KCNH7: variants seen among roughly 807,000 people sequenced by gnomAD.
The protein encoded by KCNH7 is voltage-gated inwardly rectifying potassium channel KCNH7.
A neutral mutation model predicts 120.8 loss-of-function variants in KCNH7; 49 were observed. That is an observed-to-expected ratio of 0.41 (90% CI 0.32 to 0.51). KCNH7 has a LOEUF of 0.51. Ranked by LOEUF, KCNH7 falls within the 20% of genes least tolerant of loss-of-function variation. The pLI, the probability that KCNH7 is intolerant of heterozygous loss-of-function variation, is 0.38. For synonymous variants in KCNH7, 547 were observed against 516.1 expected, an observed-to-expected ratio of 1.06 and a Z score of -0.81; for missense variants, 1,097 against 1,446.6, an observed-to-expected ratio of 0.76 and a Z score of 3.92.
intron 10 of KCNH7, among the ~76,000 whole-genome samples, chr2:162,398,288 G>T (rs958425585): frequency 2.0e-5 from 3 of 151,626 alleles, no homozygotes; most frequent in Non-Finnish European, 4.4e-5. Flanking sequence ...AAGTAATAAG[G>T]TTCTAATTAG....
intron 2 of KCNH7, among the ~76,000 whole-genome samples, chr2:162,628,826 G>A (rs1683653286): frequency 6.6e-6 from 1 of 151,900 alleles, no homozygotes; most frequent in Non-Finnish European, 1.5e-5. Context: ...GTGTATGTGT[G>A]CCACTTTATT....
At chr2:162,583,771 A>T (rs534009044) in intron 2 of KCNH7, among the ~76,000 whole-genome samples, 23 of 152,238 alleles carry the variant, frequency 1.5e-4, no homozygotes, top group African/African-American at 5.3e-4. Flanking sequence ...CTGGCTGGAA[A>T]AAACACCAGC....
At chr2:162,758,157 A>T (rs1449002764) in intron 2 of KCNH7, among the ~76,000 whole-genome samples, 1 of 152,152 alleles carries the variant, frequency 6.6e-6, no homozygotes, top group Non-Finnish European at 1.5e-5. Context: ...GAAAAAGTGG[A>T]TGTGTTTAAT....
intron 6 of KCNH7, among the ~76,000 whole-genome samples, chr2:162,457,916 C>A (rs185392522): frequency 3.2e-4 from 48 of 152,216 alleles, no homozygotes; most frequent in African/African-American, 1.2e-3. Flanking sequence ...CTGAAACCAG[C>A]AATCTCATTG....
chr2:162,748,249 T>A (rs1688383954), intron 2 of KCNH7, among the ~76,000 whole-genome samples: 2 of 152,168 alleles, frequency 1.3e-5, no homozygotes, highest in African/African-American at 4.8e-5. Flanking sequence ...TGTTATGGCT[T>A]CTGTGTATGT....
chr2:162,831,201 A>G (rs1418309674), intron 2 of KCNH7, among the ~76,000 whole-genome samples: 2 of 152,142 alleles, frequency 1.3e-5, no homozygotes, highest in Non-Finnish European at 2.9e-5. Flanking sequence ...ATAAGAATAT[A>G]TATTTTATGA....
chr2:162,741,347 A>C (rs934823835), intron 2 of KCNH7, among the ~76,000 whole-genome samples: 2 of 150,768 alleles, frequency 1.3e-5, no homozygotes, highest in Non-Finnish European at 3.0e-5. Flanking sequence ...TTAATTATAC[A>C]TATTAATAAC....
intron 2 of KCNH7, among the ~76,000 whole-genome samples, chr2:162,622,602 G>A (rs1161567586): frequency 6.6e-6 from 1 of 152,076 alleles, no homozygotes; most frequent in Non-Finnish European, 1.5e-5. Flanking sequence ...AGAATGAATT[G>A]ATCTCTGAAT....
chr2:162,378,222 A>G (rs1253117587), intron 14 of KCNH7, among the ~76,000 whole-genome samples: 1 of 152,246 alleles, frequency 6.6e-6, no homozygotes, highest in African/African-American at 2.4e-5. Flanking sequence ...TTTAGTCCTT[A>G]CAGTAGCATC....
At chr2:162,422,352 T>C (rs1687733368) in intron 9 of KCNH7, among the ~76,000 whole-genome samples, 1 of 152,164 alleles carries the variant, frequency 6.6e-6, no homozygotes, top group Non-Finnish European at 1.5e-5. Context: ...TTGTACAGGC[T>C]CACTTACACA....
intron 4 of KCNH7, among the ~76,000 whole-genome samples, chr2:162,515,377 A>T (rs1385861): frequency 6.6e-6 from 1 of 151,684 alleles, no homozygotes; most frequent in African/African-American, 2.4e-5. Context: ...AAAACAATGA[A>T]GTTAAATCAA....
At chr2:162,780,309 T>C (rs1232108200) in intron 2 of KCNH7, among the ~76,000 whole-genome samples, 3 of 152,168 alleles carry the variant, frequency 2.0e-5, no homozygotes, top group Non-Finnish European at 4.4e-5. Flanking sequence ...CAAAAGTATA[T>C]CTCATTCTTT....
chr2:162,665,382 T>G (rs560934958), intron 2 of KCNH7, among the ~76,000 whole-genome samples: 5 of 152,246 alleles, frequency 3.3e-5, no homozygotes, highest in African/African-American at 1.2e-4. Flanking sequence ...AGAATGAGCT[T>G]GTTTATAATT....
intron 2 of KCNH7, among the ~76,000 whole-genome samples, chr2:162,835,684 G>T (rs72877163): frequency 6.6e-6 from 1 of 151,498 alleles, no homozygotes; most frequent in East Asian, 1.9e-4. Flanking sequence ...ACCTTAAAAT[G>T]GGCATATCTG....
intron 2 of KCNH7, among the ~76,000 whole-genome samples, chr2:162,625,321 A>G (rs1027051249): frequency 2.2e-5 from 3 of 139,050 alleles, no homozygotes; most frequent in Non-Finnish European, 4.5e-5. Context: ...TAAAAGAAGG[A>G]AAAGGAAAGC....
At chr2:162,815,954 A>G (rs1272012684) in intron 2 of KCNH7, among the ~76,000 whole-genome samples, 1 of 152,208 alleles carries the variant, frequency 6.6e-6, no homozygotes, top group East Asian at 1.9e-4. Context: ...GTTTAAAAAA[A>G]TTTACTTAGA....
chr2:162,813,138 C>A (rs1244753898), intron 2 of KCNH7, among the ~76,000 whole-genome samples: 1 of 152,064 alleles, frequency 6.6e-6, no homozygotes, highest in East Asian at 1.9e-4. Flanking sequence ...ACTAGGGAGA[C>A]AGGAAGTTGG....
At chr2:162,568,968 T>A (rs1693362247) in intron 2 of KCNH7, among the ~76,000 whole-genome samples, 1 of 151,976 alleles carries the variant, frequency 6.6e-6, no homozygotes, top group South Asian at 2.1e-4. Flanking sequence ...TCAAGGATAT[T>A]GGGATATTGG....
intron 2 of KCNH7, among the ~76,000 whole-genome samples, chr2:162,729,197 G>C (rs1436994257): frequency 1.6e-5 from 2 of 127,068 alleles, no homozygotes; most frequent in African/African-American, 3.1e-5. Flanking sequence ...ACAGAGTCTC[G>C]CTCTCTCGCC....
Sources: gnomAD v4.1 joint callset for allele counts (sites outside exome capture counted in the v4.1 genomes callset) on GRCh38, gnomAD v4.1.1 for gene constraint, MANE v1.5 for transcripts, NCBI Gene and HGNC (gene_info 2026-07-23, HGNC 2026-07-21) for gene names.